Variants in DPP10 observed in about 807,000 individuals in gnomAD.
The protein encoded by DPP10 is dipeptidyl peptidase like 10.
Under a neutral mutation model 120.9 loss-of-function variants are expected in DPP10, and 33 were observed. The ratio of observed to expected loss-of-function variants is 0.27; its 90% CI spans 0.21 to 0.37. The LOEUF (loss-of-function observed/expected upper bound fraction) is 0.37, where lower values mean the gene tolerates loss of function less well. Ranked by LOEUF, DPP10 falls within the 10% of genes least tolerant of loss-of-function variation. DPP10 has a pLI of 1.00. For missense variants in DPP10, 816 were observed against 942.8 expected (o/e 0.87, Z 1.76); for synonymous variants, 337 against 326.1 (o/e 1.03, Z -0.36).
At chr2:115,470,650 A>G (rs1180432172) in intron 3 of DPP10, among the ~76,000 whole-genome samples, 5 of 152,068 alleles carry the variant, frequency 3.3e-5, no homozygotes, top group African/African-American at 1.2e-4. Flanking sequence ...TTGTGTGAGC[A>G]TTTTCCAATC....
At chr2:114,594,795 C>T (rs1365366646) in intron 1 of DPP10, among the ~76,000 whole-genome samples, 1 of 151,824 alleles carries the variant, frequency 6.6e-6, no homozygotes, top group African/African-American at 2.4e-5. Flanking sequence ...TGCTATCTTC[C>T]ATTTTCCTAA....
chr2:114,462,925 C>T (rs538580716), intron 1 of DPP10, among the ~76,000 whole-genome samples: 2 of 152,294 alleles, frequency 1.3e-5, no homozygotes, highest in East Asian at 3.9e-4. Flanking sequence ...TACTTTTAGC[C>T]TACACCTATC....
chr2:115,142,304 A>G (rs868483496), intron 1 of DPP10, among the ~76,000 whole-genome samples: 2 of 152,196 alleles, frequency 1.3e-5, no homozygotes, highest in Non-Finnish European at 2.9e-5. Context: ...AAGGGACTCA[A>G]GCAAGGGTAG....
At chr2:114,706,235 G>A (rs945345176) in intron 1 of DPP10, among the ~76,000 whole-genome samples, 1 of 152,204 alleles carries the variant, frequency 6.6e-6, no homozygotes, top group Non-Finnish European at 1.5e-5. Flanking sequence ...CCTGTCTGGT[G>A]TATTATGGGG....
intron 13 of DPP10, 84 bp from the exon 14 acceptor site, chr2:115,777,124 G>A: frequency 8.3e-7 from 1 of 1,206,094 alleles, no homozygotes; most frequent in African/African-American, 1.5e-5. Context: ...AATTCGAAGT[G>A]TCACAAGCAG....
intron 3 of DPP10, among the ~76,000 whole-genome samples, chr2:115,378,598 G>T (rs2066008299): frequency 6.7e-6 from 1 of 150,134 alleles, no homozygotes; most frequent in South Asian, 2.1e-4. Flanking sequence ...TGTTGAATAG[G>T]AGTGGTGAGA....
intron 1 of DPP10, among the ~76,000 whole-genome samples, chr2:114,981,240 C>T (rs931715411): frequency 7.2e-5 from 11 of 152,026 alleles, no homozygotes; most frequent in African/African-American, 9.7e-5. Flanking sequence ...CCACATTCTA[C>T]GACATTTTTA....
chr2:114,734,260 C>A (rs2105956181), intron 1 of DPP10, among the ~76,000 whole-genome samples: 1 of 152,148 alleles, frequency 6.6e-6, no homozygotes, highest in African/African-American at 2.4e-5. Flanking sequence ...AGTCAGGCAC[C>A]CTTTTAGGTC....
In DPP10 at chr2:115,577,345, C is replaced by T. The variant is rs11689643; in HGVS notation, c.441+51373C>T. 1.5e-3 allele frequency among the ~76,000 whole-genome samples: 222 copies of T among 152,252 alleles called. 1 individual carries two copies. The highest frequency in any genetic ancestry group is 2.5e-3 in the Non-Finnish European group (171 of 68,028). ...AGGCATGGGTGGAATTTCTGCCTTC[C>T]GTGTTTGCTAATAAGGGGACTTCAT... On this transcript the variant is annotated intron_variant, in intron 5 of 25. Coordinates refer to ENST00000410059, the MANE Select transcript of DPP10 (RefSeq NM_020868.6).
chr2:115,788,298 A>G (rs1035292989), intron 17 of DPP10, among the ~76,000 whole-genome samples: 2 of 152,176 alleles, frequency 1.3e-5, no homozygotes, highest in Non-Finnish European at 2.9e-5. Flanking sequence ...AACTTATTGT[A>G]TAAAAAGAAA....
chr2:114,780,573 C>T (rs1043260725), intron 1 of DPP10, among the ~76,000 whole-genome samples: 2 of 152,044 alleles, frequency 1.3e-5, no homozygotes, highest in African/African-American at 4.8e-5. Context: ...TTAAATTTTA[C>T]AATAGCTATT....
In DPP10 at chr2:115,828,880, T is replaced by A. The variant is rs533600493; in HGVS notation, c.1951-7277T>A. Among the ~76,000 whole-genome samples, 46 of 152,296 alleles carry A rather than the reference T, an allele frequency of 3.0e-4. 1 individual carries two copies. The South Asian group carries it at 5.8e-3, about 19-fold the overall frequency. ...TTTTGGATTGTCCATTTATCCATTA[T>A]ATATGCTTAGTTTATTTTGACTTCT... On this transcript the variant is annotated intron_variant, in intron 21 of 25. Transcript: ENST00000410059.
chr2:115,305,743 A>G (rs2106002330), intron 1 of DPP10, among the ~76,000 whole-genome samples: 1 of 151,888 alleles, frequency 6.6e-6, no homozygotes, highest in East Asian at 1.9e-4. Context: ...CTCTCTAACA[A>G]CATTTTTTTA....
chr2:115,491,369 C>A (rs867731465), intron 3 of DPP10, among the ~76,000 whole-genome samples: 2 of 152,074 alleles, frequency 1.3e-5, no homozygotes, highest in Admixed American at 1.3e-4. Context: ...ACACGGCTGG[C>A]AGTTAAAGAC....
chr2:115,712,620 C>T (rs2092367006), intron 7 of DPP10, among the ~76,000 whole-genome samples: 1 of 134,674 alleles, frequency 7.4e-6, no homozygotes, highest in African/African-American at 2.8e-5. Flanking sequence ...TTTTACCCCA[C>T]ACTAGGGATC....
intron 1 of DPP10, among the ~76,000 whole-genome samples, chr2:115,025,235 T>C (rs1388521581): frequency 6.6e-6 from 1 of 152,020 alleles, no homozygotes; most frequent in East Asian, 1.9e-4. Flanking sequence ...CTCACACATA[T>C]ATGTAAGAAC....
At chr2:114,853,455 G>A (rs1689128210) in intron 1 of DPP10, among the ~76,000 whole-genome samples, 1 of 151,850 alleles carries the variant, frequency 6.6e-6, no homozygotes, top group African/African-American at 2.4e-5. Context: ...TGCAAAATTT[G>A]AGGCCCACCG....
chr2:114,875,111 C>T (rs779586892), intron 1 of DPP10, among the ~76,000 whole-genome samples: 1 of 152,122 alleles, frequency 6.6e-6, no homozygotes, highest in Admixed American at 6.6e-5. Flanking sequence ...AATTTTGTAG[C>T]TTGCCTTTAC....
chr2:115,496,842 G>A (rs1371773062), intron 3 of DPP10, among the ~76,000 whole-genome samples: 1 of 152,094 alleles, frequency 6.6e-6, no homozygotes, highest in Non-Finnish European at 1.5e-5. Flanking sequence ...TACTCAATGA[G>A]TTTCCCTGAA....
Sources: allele counts gnomAD v4.1 joint callset (sites outside exome capture counted in the v4.1 genomes callset), GRCh38; gene constraint gnomAD v4.1.1; transcripts MANE v1.5; gene names NCBI Gene and HGNC (gene_info 2026-07-23, HGNC 2026-07-21).